OPCML: variants seen among roughly 807,000 people sequenced by gnomAD.
The protein encoded by OPCML is opioid binding protein/cell adhesion molecule like, also known as opioid-binding protein/cell adhesion molecule.
Under a neutral mutation model 37.8 loss-of-function variants are expected in OPCML, and 13 were observed. That is an observed-to-expected ratio of 0.34 (90% CI 0.22 to 0.55). OPCML has a LOEUF of 0.55. OPCML is among the 20% of genes least tolerant of loss of function. OPCML has a pLI of 0.91. For missense variants in OPCML, 341 were observed against 435.6 expected (o/e 0.78, Z 1.93); for synonymous variants, 176 against 168.8 (o/e 1.04, Z -0.33).
At chr11:133,114,209 G>A (rs780291692) in intron 1 of OPCML, among the ~76,000 whole-genome samples, 21 of 152,070 alleles carry the variant, frequency 1.4e-4, no homozygotes, top group Non-Finnish European at 2.2e-4. Context: ...TGAACTGCTC[G>A]CTCTGCTGCT....
chr11:133,138,311 C>T (rs142061831), intron 1 of OPCML, among the ~76,000 whole-genome samples: 17 of 152,274 alleles, frequency 1.1e-4, no homozygotes, highest in African/African-American at 3.6e-4. Flanking sequence ...GTGGGCTAAA[C>T]GTCTTTTGCT....
intron 1 of OPCML, among the ~76,000 whole-genome samples, chr11:133,286,250 A>T (rs1942293208): frequency 6.6e-6 from 1 of 152,090 alleles, no homozygotes; most frequent in South Asian, 2.1e-4. Flanking sequence ...GGAGATCGCA[A>T]CCATCCTGGC....
chr11:132,468,327 C>T (rs1394127758), intron 4 of OPCML, among the ~76,000 whole-genome samples: 1 of 152,192 alleles, frequency 6.6e-6, no homozygotes, highest in Non-Finnish European at 1.5e-5. Context: ...TCTATCCATA[C>T]CCCCATCCTT....
intron 1 of OPCML, among the ~76,000 whole-genome samples, chr11:133,012,270 G>A (rs896079627): frequency 1.3e-5 from 2 of 152,118 alleles, no homozygotes; most frequent in Non-Finnish European, 2.9e-5. Context: ...TGTCAAGGTC[G>A]GGAAAACCTG....
chr11:132,441,334 A>T, intron 4 of OPCML, among the ~76,000 whole-genome samples: 1 of 150,018 alleles, frequency 6.7e-6, no homozygotes, highest in South Asian at 2.1e-4. Flanking sequence ...CGCCCGGCTA[A>T]TTTTTTTGTA....
chr11:132,438,335 C>A (rs1319455717), intron 4 of OPCML, among the ~76,000 whole-genome samples: 1 of 152,232 alleles, frequency 6.6e-6, no homozygotes, highest in East Asian at 1.9e-4. Context: ...CAGCCATTTG[C>A]ATTTCTTATA....
intron 3 of OPCML, among the ~76,000 whole-genome samples, chr11:132,540,843 C>T (rs1413407998): frequency 6.6e-6 from 1 of 152,206 alleles, no homozygotes; most frequent in African/African-American, 2.4e-5. Context: ...ACAATTCAGA[C>T]AACTGACCAT....
At chr11:133,463,233 C>T (rs1946899840) in intron 1 of OPCML, among the ~76,000 whole-genome samples, 1 of 149,804 alleles carries the variant, frequency 6.7e-6, no homozygotes, top group African/African-American at 2.5e-5. Flanking sequence ...ATGATAGTCA[C>T]CAGGGAAAGG....
At chr11:132,769,938 C>A (rs1002759554) in intron 2 of OPCML, among the ~76,000 whole-genome samples, 1 of 152,126 alleles carries the variant, frequency 6.6e-6, no homozygotes, top group African/African-American at 2.4e-5. Flanking sequence ...AAGATGTTCA[C>A]ACAGGCATCA....
intron 1 of OPCML, among the ~76,000 whole-genome samples, chr11:133,451,570 G>A (rs762396805): frequency 2.1e-4 from 32 of 151,702 alleles, no homozygotes; most frequent in Non-Finnish European, 3.7e-4. Context: ...TAGGCTGAGC[G>A]TGGTGGCTCA....
At chr11:132,751,885 T>C (rs996199001) in intron 2 of OPCML, among the ~76,000 whole-genome samples, 4 of 152,246 alleles carry the variant, frequency 2.6e-5, no homozygotes, top group African/African-American at 9.6e-5. Context: ...TCTCAGCACA[T>C]GTGCTTATAA....
chr11:132,626,731 C>A (rs996827826), intron 3 of OPCML, among the ~76,000 whole-genome samples: 1 of 150,940 alleles, frequency 6.6e-6, no homozygotes, highest in Non-Finnish European at 1.5e-5. Context: ...ATCAAGCTGC[C>A]CTGAGTTTTG....
chr11:133,076,348 G>A (rs1948620631), intron 1 of OPCML, among the ~76,000 whole-genome samples: 1 of 152,156 alleles, frequency 6.6e-6, no homozygotes, highest in Non-Finnish European at 1.5e-5. Flanking sequence ...GGCAGGTGAT[G>A]TCTGGGATGA....
At chr11:132,638,710 A>G (rs953910901) in intron 3 of OPCML, among the ~76,000 whole-genome samples, 2 of 151,962 alleles carry the variant, frequency 1.3e-5, no homozygotes, top group Non-Finnish European at 2.9e-5. Flanking sequence ...CTGTGACCCC[A>G]CCCAAAGGCA....
chr11:133,121,192 T>C (rs1008509838), intron 1 of OPCML, among the ~76,000 whole-genome samples: 5 of 152,310 alleles, frequency 3.3e-5, no homozygotes, highest in African/African-American at 1.2e-4. Context: ...GTGCTGAGAT[T>C]ACAGGCATGA....
At chr11:132,839,913 C>T (rs887800815) in intron 2 of OPCML, among the ~76,000 whole-genome samples, 8 of 152,162 alleles carry the variant, frequency 5.3e-5, no homozygotes, top group African/African-American at 1.4e-4. Context: ...GAGTGTCTTC[C>T]GTCCCATTAA....
chr11:133,376,346 A>ATTTGTT (rs1306648071), intron 1 of OPCML, among the ~76,000 whole-genome samples: 2 of 152,342 alleles, frequency 1.3e-5, no homozygotes, highest in East Asian at 3.9e-4. Context: ...AATTCTAAGC[A>ATTTGTT]AATACCCAAT....
At chr11:132,705,450 G>A (rs890361254) in intron 2 of OPCML, among the ~76,000 whole-genome samples, 6 of 152,024 alleles carry the variant, frequency 3.9e-5, no homozygotes, top group Middle Eastern at 3.4e-3. Context: ...AAATTCAGCT[G>A]GGTGTGGTGT....
chr11:132,771,876 C>T (rs1259474020), intron 2 of OPCML: 1 of 152,220 alleles, frequency 6.6e-6, no homozygotes, highest in Admixed American at 6.5e-5. Flanking sequence ...CTATTTAACT[C>T]CACATGAGCC....
Sources: allele counts gnomAD v4.1 joint callset (sites outside exome capture counted in the v4.1 genomes callset), GRCh38; gene constraint gnomAD v4.1.1; transcripts MANE v1.5; gene names NCBI Gene and HGNC (gene_info 2026-07-23, HGNC 2026-07-21).